Variants in EXOC6B observed in about 807,000 individuals in gnomAD.
EXOC6B encodes the protein SEC15 homolog B.
In EXOC6B, 54 loss-of-function variants were observed where a neutral mutation model predicts 113.5. The ratio of observed to expected loss-of-function variants is 0.48; its 90% CI spans 0.38 to 0.60. The LOEUF is 0.60. Ranked by LOEUF, EXOC6B falls within the 20% of genes least tolerant of loss-of-function variation. The pLI is 0.00. For synonymous variants in EXOC6B, 357 were observed against 339.0 expected (o/e 1.05, Z -0.58); for missense variants, 797 against 977.5 (o/e 0.82, Z 2.46).
intron 18 of EXOC6B, among the ~76,000 whole-genome samples, chr2:72,436,930 G>C (rs1695911314): frequency 6.6e-6 from 1 of 152,098 alleles, no homozygotes; most frequent in Non-Finnish European, 1.5e-5. Flanking sequence ...TCTCCATCCA[G>C]TTTTGTTCTC....
At chr2:72,689,905 A>T (rs1198180636) in intron 6 of EXOC6B, among the ~76,000 whole-genome samples, 1 of 152,236 alleles carries the variant, frequency 6.6e-6, no homozygotes, top group Non-Finnish European at 1.5e-5. Flanking sequence ...TTCTCATTCC[A>T]GCTATGACTA....
chr2:72,535,810 T>A (rs1702257441), intron 8 of EXOC6B, among the ~76,000 whole-genome samples: 1 of 149,782 alleles, frequency 6.7e-6, no homozygotes, highest in Non-Finnish European at 1.5e-5. Context: ...GCGGAAGTTG[T>A]GGTGAGCCAA....
intron 18 of EXOC6B, among the ~76,000 whole-genome samples, chr2:72,444,752 G>A (rs964478345): frequency 3.3e-5 from 5 of 152,212 alleles, no homozygotes; most frequent in African/African-American, 4.8e-5. Flanking sequence ...TGGCTGGGAT[G>A]CAGGGCACCA....
At chr2:72,520,557 T>G (rs544733296) in intron 8 of EXOC6B, among the ~76,000 whole-genome samples, 1 of 152,342 alleles carries the variant, frequency 6.6e-6, no homozygotes, top group East Asian at 1.9e-4. Context: ...ATTTACTCTA[T>G]TTTGAATGAG....
intron 6 of EXOC6B, among the ~76,000 whole-genome samples, chr2:72,707,671 CA>C (rs2104672033): frequency 6.6e-6 from 1 of 152,276 alleles, no homozygotes; most frequent in Admixed American, 6.5e-5. Context: ...CTCAGCCTCC[CA>C]AAGTGCTGGG....
chr2:72,537,617 A>T (rs1702373215), intron 8 of EXOC6B, among the ~76,000 whole-genome samples: 1 of 152,100 alleles, frequency 6.6e-6, no homozygotes, highest in Admixed American at 6.6e-5. Context: ...TGGGCAACAG[A>T]GTGAGACCCT....
At chr2:72,625,574 T>C (rs2104225333) in intron 6 of EXOC6B, among the ~76,000 whole-genome samples, 1 of 152,196 alleles carries the variant, frequency 6.6e-6, no homozygotes, top group East Asian at 1.9e-4. Flanking sequence ...AATGAGAAAC[T>C]CACAAGTAAC....
At chr2:72,490,806 G>A (rs911070735) in intron 16 of EXOC6B, among the ~76,000 whole-genome samples, 6 of 152,076 alleles carry the variant, frequency 3.9e-5, no homozygotes, top group Non-Finnish European at 5.9e-5. Context: ...GAGAAGTTAC[G>A]CCTTTCTCTT....
At chr2:72,640,024 G>A (rs560890793) in intron 6 of EXOC6B, among the ~76,000 whole-genome samples, 3 of 152,212 alleles carry the variant, frequency 2.0e-5, no homozygotes, top group African/African-American at 7.2e-5. Context: ...TGAGATGGCT[G>A]AAATGACAAA....
intron 6 of EXOC6B, among the ~76,000 whole-genome samples, chr2:72,591,364 T>C (rs185269159): frequency 1.3e-5 from 2 of 152,250 alleles, no homozygotes; most frequent in Admixed American, 1.3e-4. Context: ...TCATTTTGTC[T>C]GATATTTTAT....
In EXOC6B at chr2:72,182,751, C is replaced by A. The variant is rs114148454; in HGVS notation, c.2309+1324G>T. The A allele has an allele frequency of 2.0e-3, 989 of 500,362 alleles. 12 individuals are homozygous for A. Among genetic ancestry groups the A allele is most frequent in the African/African-American group, 0.018 (907 of 50,580 alleles). The allele number at this position is 500,362 out of a possible 1,614,324, so 31.0% of individuals were successfully genotyped here. Reference sequence around the variant, plus strand: ...AGAGAAGGCAGCCAGCCAGTTGGCACCAGGCTGGTTTAGTAGATTAGTATG... The same window carrying A: ...AGAGAAGGCAGCCAGCCAGTTGGCAACAGGCTGGTTTAGTAGATTAGTATG... On this transcript the variant is annotated intron_variant, in intron 21 of 21. Coordinates refer to ENST00000272427, the MANE Select transcript of EXOC6B (RefSeq NM_015189.3).
chr2:72,787,383 A>G lies in EXOC6B; in HGVS notation c.113+38415T>C, dbSNP rs192418354. On this transcript the variant is annotated intron_variant, in intron 1 of 21. Coordinates refer to ENST00000272427, the MANE Select transcript of EXOC6B (RefSeq NM_015189.3). Reference sequence around the variant, plus strand: ...TGTGCCACTTTTGTATTTTTTTAGTAGAGACAGGGTTTCACCATGTTGGCT... The same window carrying G: ...TGTGCCACTTTTGTATTTTTTTAGTGGAGACAGGGTTTCACCATGTTGGCT... Among the ~76,000 whole-genome samples, 147 of 151,856 alleles carry G rather than the reference A, an allele frequency of 9.7e-4. 1 individual carries two copies. Among genetic ancestry groups the G allele is most frequent in the African/African-American group, 3.3e-3 (138 of 41,412 alleles).
At chr2:72,208,399 C>T (rs866394637) in intron 20 of EXOC6B, among the ~76,000 whole-genome samples, 1 of 152,068 alleles carries the variant, frequency 6.6e-6, no homozygotes, top group African/African-American at 2.4e-5. Flanking sequence ...ATCCATGTTG[C>T]TGCAAAGGGC....
intron 20 of EXOC6B, among the ~76,000 whole-genome samples, chr2:72,280,953 A>G (rs941561299): frequency 7.9e-5 from 12 of 152,106 alleles, no homozygotes; most frequent in Non-Finnish European, 4.4e-5. Flanking sequence ...GCTAAGCTAT[A>G]GAGGGCAAAG....
At chr2:72,291,205 T>A (rs903722910) in intron 20 of EXOC6B, among the ~76,000 whole-genome samples, 82 of 152,194 alleles carry the variant, frequency 5.4e-4, no homozygotes, top group Non-Finnish European at 5.4e-4. Flanking sequence ...AGGGTAAACG[T>A]GCAAGTTTCT....
At chr2:72,528,913 T>C (rs940022413) in intron 8 of EXOC6B, among the ~76,000 whole-genome samples, 7 of 152,158 alleles carry the variant, frequency 4.6e-5, no homozygotes, top group African/African-American at 9.6e-5. Flanking sequence ...CACTTATTAG[T>C]ACTAGGAAGT....
chr2:72,685,818 A>G lies in EXOC6B; in HGVS notation c.669+32285T>C, dbSNP rs1029451219. On this transcript the variant is annotated intron_variant, in intron 6 of 21. Coordinates refer to ENST00000272427, the MANE Select transcript of EXOC6B (RefSeq NM_015189.3). ...GGCATTTCAGCAGCTTAATCCATGC[A>G]GGACATGTTTTGCTTTTTGAGACAA... 3.7e-4 allele frequency among the ~76,000 whole-genome samples: 56 copies of G among 152,376 alleles called. 1 individual carries two copies. The highest frequency in any genetic ancestry group is 1.3e-3 in the African/African-American group (55 of 41,602).
At chr2:72,649,292 C>T (rs535753404) in intron 6 of EXOC6B, among the ~76,000 whole-genome samples, 3 of 152,174 alleles carry the variant, frequency 2.0e-5, no homozygotes, top group African/African-American at 4.8e-5. Flanking sequence ...TTTATGATAG[C>T]ACAACAGGGT....
intron 18 of EXOC6B, among the ~76,000 whole-genome samples, chr2:72,390,849 GGTTT>G (rs1160662614): frequency 2.6e-5 from 4 of 152,104 alleles, no homozygotes; most frequent in Admixed American, 2.6e-4. Flanking sequence ...ACAATTTGAT[GGTTT>G]GTTTGTTTGA....
Sources: gnomAD v4.1 joint callset for allele counts (sites outside exome capture counted in the v4.1 genomes callset) on GRCh38, gnomAD v4.1.1 for gene constraint, MANE v1.5 for transcripts, NCBI Gene and HGNC (gene_info 2026-07-23, HGNC 2026-07-21) for gene names.